Variants in RASGRP2 observed in about 807,000 individuals in gnomAD.
RASGRP2 encodes RAS guanyl-releasing protein 2.
Under a neutral mutation model 71.0 loss-of-function variants are expected in RASGRP2, and 44 were observed. The observed-to-expected ratio is 0.62, with a 90% confidence interval of 0.49 to 0.80. RASGRP2 has a LOEUF of 0.80. RASGRP2 is among the 30% of genes least tolerant of loss of function. The pLI, the probability that RASGRP2 is intolerant of heterozygous loss-of-function variation, is 0.00. For missense variants in RASGRP2, 663 were observed against 813.4 expected (o/e 0.82, Z 2.25); for synonymous variants, 350 against 330.7 (o/e 1.06, Z -0.63).
intron 12 of RASGRP2, among the ~76,000 whole-genome samples, chr11:64,734,136 AC>A (rs1390475191): frequency 2.6e-5 from 4 of 151,016 alleles, no homozygotes; most frequent in Admixed American, 2.6e-4. Context: ...ACATGGTAAA[AC>A]CCCATCTCTG....
chr11:64,728,294 A>G (rs1360540779), intron 15 of RASGRP2, among the ~76,000 whole-genome samples: 10 of 152,202 alleles, frequency 6.6e-5, no homozygotes, highest in Admixed American at 6.5e-4. Flanking sequence ...CCAACAAAAT[A>G]AGACTGTAAC....
chr11:64,736,731 CTCCCT>C lies in RASGRP2; in HGVS notation c.1095+17_1095+21del. On this transcript the variant is annotated intron_variant, in intron 9 of 16. Coordinates refer to ENST00000394432, the MANE Select transcript of RASGRP2 (RefSeq NM_001098671.2). Reference sequence around the variant, plus strand: ...CAACCCCTGGTGCCCAGCTCCCCACCTCCCTGCCCCCTGCTCCTCACCGTGAGCAG... The same window carrying C: ...CAACCCCTGGTGCCCAGCTCCCCACCGCCCCCTGCTCCTCACCGTGAGCAG... The C allele has an allele frequency of 6.4e-7, 1 of 1,561,180 alleles. No homozygotes were observed. The highest frequency in any genetic ancestry group is 8.7e-7 in the Non-Finnish European group (1 of 1,153,468).
At chr11:64,729,706 A>T in intron 14 of RASGRP2, 56 bp downstream of exon 14, 1 of 1,588,744 alleles carries the variant, frequency 6.3e-7, no homozygotes, top group East Asian at 2.3e-5. Context: ...TCTCCCAAAC[A>T]AACAAACAAA....
At position 64,739,122 on chromosome 11, in the gene RASGRP2, G is replaced by A. The variant is rs1328430038; in HGVS notation, c.813+238C>T. ...CCACTGAACTCCAGTCTGGACAACA[G>A]AGAGAGAGACCCTGTCTTAAAAAAA... On this transcript the variant is annotated intron_variant, in intron 8 of 16. Transcript: ENST00000394432. This position sits in a 1 kb window ranked among gnomAD's most constrained non-coding sequence, Gnocchi z 4.2. Among the ~76,000 whole-genome samples, 1 of 150,322 alleles carries A rather than the reference G, an allele frequency of 6.7e-6. No homozygotes were observed. Among genetic ancestry groups the A allele is most frequent in the African/African-American group, 2.5e-5 (1 of 40,722 alleles).
intron 4 of RASGRP2, 133 bp downstream of exon 4, chr11:64,741,306 G>A (rs866827053): frequency 2.7e-5 from 31 of 1,138,568 alleles, no homozygotes; most frequent in Non-Finnish European, 3.5e-5. Flanking sequence ...GCCTGTGGCA[G>A]CACTGCCCAC....
chr11:64,742,474 A>T lies in RASGRP2; in HGVS notation c.73+320T>A. On this transcript the variant is annotated intron_variant, in intron 2 of 16. Coordinates refer to ENST00000394432, the MANE Select transcript of RASGRP2 (RefSeq NM_001098671.2). The surrounding 1 kb of genome is among the most constrained non-coding windows in gnomAD (Gnocchi z 4.7). ...AGATAAGCCGCCCCCCATTAGCCGG[A>T]AACAGCTCCCAGGCCGGAGATAGCG... 2 of 567,440 alleles carry T rather than the reference A, an allele frequency of 3.5e-6. No individual in the cohort carries two copies. The highest frequency in any genetic ancestry group is 3.0e-5 in the East Asian group (1 of 33,376). 35.2% of individuals were successfully genotyped at this position (567,440 alleles called of 1,614,324 possible).
Position 64,727,045 on chromosome 11 carries a change from CAG to C in RASGRP2, c.*91_*92del, listed in dbSNP as rs2135715033. 1 of 438,750 alleles carries C rather than the reference CAG, an allele frequency of 2.3e-6. No homozygotes were observed. The highest frequency in any genetic ancestry group is 4.7e-5 in the East Asian group (1 of 21,134). 27.2% of individuals were successfully genotyped at this position (438,750 alleles called of 1,614,324 possible). On this transcript the variant is annotated 3_prime_UTR_variant, in exon 17 of 17. Coordinates refer to ENST00000394432, the MANE Select transcript of RASGRP2 (RefSeq NM_001098671.2). Reference sequence around the variant, plus strand: ...CACCCTCATATCCCACCCCCATCCCCAGCCTCCTGCCCCGACACCCCCAGGCT... The same window carrying C: ...CACCCTCATATCCCACCCCCATCCCCCCTCCTGCCCCGACACCCCCAGGCT...
Position 64,744,050 on chromosome 11 carries a change from T to C in RASGRP2, c.-119A>G. Reference sequence around the variant, plus strand: ...CAAACCCGCGGACGAGGTCGCCTCCTGGACGTGCTGTTCACTTGAGCCAGG... The same window carrying C: ...CAAACCCGCGGACGAGGTCGCCTCCCGGACGTGCTGTTCACTTGAGCCAGG... On this transcript the variant is annotated 5_prime_UTR_variant, in exon 1 of 17. Transcript: ENST00000394432. The C allele has an allele frequency of 1.0e-6, 1 of 988,506 alleles. No homozygotes were observed. 61.2% of individuals were successfully genotyped at this position (988,506 alleles called of 1,614,324 possible).
At chr11:64,731,299 C>T (rs1240839931) in intron 12 of RASGRP2, among the ~76,000 whole-genome samples, 1 of 149,424 alleles carries the variant, frequency 6.7e-6, no homozygotes, top group Non-Finnish European at 1.5e-5. Context: ...GAGGTTGCAG[C>T]GAGCCAAGAT....
intron 8 of RASGRP2, among the ~76,000 whole-genome samples, chr11:64,737,742 A>G (rs2057993195): frequency 6.6e-6 from 1 of 151,594 alleles, no homozygotes; most frequent in Non-Finnish European, 1.5e-5. Flanking sequence ...CCCAACATTC[A>G]ACAATAGAAT....
chr11:64,735,819 G>A lies in RASGRP2; in HGVS notation c.1173+84C>T, dbSNP rs2057916984. Reference sequence around the variant, plus strand: ...GTCCTACAAGATGGATGGGTGAGGTGGCTGCTAAGAGCTCTTCCCATCCTC... The same window carrying A: ...GTCCTACAAGATGGATGGGTGAGGTAGCTGCTAAGAGCTCTTCCCATCCTC... On this transcript the variant is annotated intron_variant, in intron 10 of 16. Coordinates refer to ENST00000394432, the MANE Select transcript of RASGRP2 (RefSeq NM_001098671.2). The surrounding 1 kb of genome is among the most constrained non-coding windows in gnomAD (Gnocchi z 4.2). 1.3e-6 allele frequency: 2 copies of A among 1,492,294 alleles called. No homozygotes were observed. Among genetic ancestry groups the A allele is most frequent in the Admixed American group, 1.9e-5 (1 of 52,332 alleles). 92.4% of individuals were successfully genotyped at this position (1,492,294 alleles called of 1,614,324 possible).
At position 64,735,532 on chromosome 11, in the gene RASGRP2, A is replaced by C; in HGVS notation, c.1296+10T>G. The C allele has an allele frequency of 1.9e-6, 3 of 1,613,948 alleles. No individual in the cohort carries two copies. The East Asian group carries it at 6.7e-5, about 36-fold the overall frequency. The stretch of plus-strand genomic sequence containing the variant: ...TCCCCACACACTGCTCAGGCTCCGC[A>C]GGAGCTCACCTCCACCATCTTCTCG... On this transcript the variant is annotated intron_variant, in intron 11 of 16. Transcript: ENST00000394432. This position sits in a 1 kb window ranked among gnomAD's most constrained non-coding sequence, Gnocchi z 4.2.
Position 64,728,865 on chromosome 11 carries a change from G to A in RASGRP2, c.1769C>T (p.Pro590Leu), listed in dbSNP as rs1223780057. The A allele has an allele frequency of 1.9e-6, 3 of 1,609,088 alleles. No individual in the cohort carries two copies. Among genetic ancestry groups the A allele is most frequent in the South Asian group, 1.1e-5 (1 of 90,950 alleles). Residue 590 changes from proline to leucine, a missense_variant and splice_region_variant, in exon 15 of 17, where the codon CCA (proline) becomes CTA (leucine). Pro to Leu is a moderately conservative substitution (Grantham distance 98). Coordinates refer to ENST00000394432, the MANE Select transcript of RASGRP2 (RefSeq NM_001098671.2). ...AGTACAGAATGACTCCCTCTTACCT[G>A]GAGGCCTGGAGCCTCGCCTGCCAGG... ...PRPGRRGSRP[P>L]EIREEEVQTV...
chr11:64,737,474 T>C (rs938451760), intron 8 of RASGRP2, among the ~76,000 whole-genome samples: 1 of 151,292 alleles, frequency 6.6e-6, no homozygotes, highest in African/African-American at 2.4e-5. Context: ...ATGGAGACCA[T>C]CTTGGCCAAC....
chr11:64,740,873 C>A, intron 5 of RASGRP2, 75 bp downstream of exon 5: 1 of 1,582,644 alleles, frequency 6.3e-7, no homozygotes, highest in Non-Finnish European at 8.7e-7. Context: ...TCATTCAGTT[C>A]AACAGACATT....
rs537451601 is a variant in RASGRP2, at chr11:64,730,273, C to T, written c.1413-79G>A. The T allele has an allele frequency of 3.3e-6, 5 of 1,523,884 alleles. No individual in the cohort carries two copies. The Admixed American group carries it at 9.9e-5, about 30-fold the overall frequency. The allele number at this position is 1,523,884 out of a possible 1,614,324, so 94.4% of individuals were successfully genotyped here. A position where few individuals can be genotyped will look rare whatever the true frequency, so the allele number is the denominator to read the frequency against. ...CGCTGGCCTAACCCATCCCACTGTTCCCAGTGTCCTCATGGAACTCCTGAT... is the reference window on the plus strand; with the variant it reads ...CGCTGGCCTAACCCATCCCACTGTTTCCAGTGTCCTCATGGAACTCCTGAT... On this transcript the variant is annotated intron_variant, in intron 12 of 16. Transcript: ENST00000394432.
Position 64,735,833 on chromosome 11 carries a change from C to T in RASGRP2, c.1173+70G>A. On this transcript the variant is annotated intron_variant, in intron 10 of 16. Transcript: ENST00000394432. The surrounding 1 kb of genome is among the most constrained non-coding windows in gnomAD (Gnocchi z 4.2). ...ATGGGTGAGGTGGCTGCTAAGAGCT[C>T]TTCCCATCCTCACATCCTGGGATTC... The T allele has an allele frequency of 6.5e-7, 1 of 1,530,392 alleles. No individual in the cohort carries two copies. The allele number at this position is 1,530,392 out of a possible 1,614,324, so 94.8% of individuals were successfully genotyped here.
chr11:64,738,933 G>T (rs961169729), intron 8 of RASGRP2, among the ~76,000 whole-genome samples: 1 of 149,596 alleles, frequency 6.7e-6, no homozygotes. Flanking sequence ...GACCAGTCTG[G>T]GCAACATGGC....
At position 64,740,110 on chromosome 11, in the gene RASGRP2, T is replaced by A. The variant is rs762893963; in HGVS notation, c.425A>T (p.Lys142Ile). Residue 142 changes from lysine to isoleucine, a missense_variant, in exon 6 of 17, where the codon AAA becomes ATA. Transcript: ENST00000394432. ...QVTQRNPVGQ[K>I]KRKMSLLFDH... ...AAACAACAGGGACATCTTGCGCTTT[T>A]TCTGTCCCACAGGGTTCCGCTGAGT... The A allele has an allele frequency of 1.2e-6, 2 of 1,614,038 alleles. No individual in the cohort carries two copies. Among genetic ancestry groups the A allele is most frequent in the African/African-American group, 2.7e-5 (2 of 74,918 alleles).
Sources: gnomAD v4.1 joint callset for allele counts (sites outside exome capture counted in the v4.1 genomes callset) on GRCh38, gnomAD v4.1.1 for gene constraint, Gnocchi (gnomAD v3.1) non-coding constraint, MANE v1.5 for transcripts, NCBI Gene and HGNC (gene_info 2026-07-23, HGNC 2026-07-21) for gene names.